The following SIPA1L3 variants were observed in gnomAD, a reference collection of about 807,000 sequenced individuals.
SIPA1L3 encodes signal induced proliferation associated 1 like 3.
A neutral mutation model predicts 150.1 loss-of-function variants in SIPA1L3; 59 were observed. The ratio of observed to expected loss-of-function variants is 0.39; its 90% CI spans 0.32 to 0.49. The LOEUF is 0.49. SIPA1L3 is among the 20% of genes least tolerant of loss of function. SIPA1L3 has a pLI of 0.86. For missense variants in SIPA1L3, 2,211 were observed against 2,489.5 expected (o/e 0.89, Z 2.38); for synonymous variants, 1,070 against 1,077.6 (o/e 0.99, Z 0.14).
chr19:38,074,284 A>G (rs1969789142), intron 2 of SIPA1L3, among the ~76,000 whole-genome samples: 1 of 152,254 alleles, frequency 6.6e-6, no homozygotes, highest in African/African-American at 2.4e-5. Flanking sequence ...GTGTGTGCAC[A>G]GAAGGGAGCA....
intron 2 of SIPA1L3, among the ~76,000 whole-genome samples, chr19:38,044,574 C>T (rs537847567): frequency 1.8e-4 from 28 of 152,246 alleles, no homozygotes; most frequent in Non-Finnish European, 3.5e-4. Flanking sequence ...TCAAGAGAGA[C>T]GGGGCTTTGT....
intron 6 of SIPA1L3, among the ~76,000 whole-genome samples, chr19:38,103,641 G>A (rs1210014288): frequency 7.5e-6 from 1 of 133,512 alleles, no homozygotes; most frequent in Non-Finnish European, 1.7e-5. Flanking sequence ...AAAAAAAAAA[G>A]GGGCCGGGCG....
Position 38,082,413 on chromosome 19 carries a change from C to A in SIPA1L3, c.848C>A (p.Ala283Asp), listed in dbSNP as rs141958728. The change falls in exon 3 of 22, where the codon GCC (alanine) becomes GAC (aspartate). Residue 283 changes from alanine to aspartate, a missense_variant. Ala to Asp is a moderately radical substitution (Grantham distance 126). This residue lies in a region of SIPA1L3 where 587 missense variants were observed against 534.5 expected (regional missense o/e 1.10). Coordinates refer to ENST00000222345, the MANE Select transcript of SIPA1L3 (RefSeq NM_015073.3). ...CAGCCCACGAAGGAGAAGGAGAAGG[C>A]CCGGAAGAAACCTGCGCGGGGCCTC... Reference protein sequence around the residue: ...PLQPTKEKEKARKKPARGLGG... With the variant: ...PLQPTKEKEKDRKKPARGLGG... 1.9e-6 allele frequency: 3 copies of A among 1,596,980 alleles called. No homozygotes were observed. Among genetic ancestry groups the A allele is most frequent in the Non-Finnish European group, 2.6e-6 (3 of 1,175,898 alleles).
chr19:37,957,944 G>A (rs1425592462), intron 1 of SIPA1L3, among the ~76,000 whole-genome samples: 1 of 151,852 alleles, frequency 6.6e-6, no homozygotes, highest in African/African-American at 2.4e-5. Context: ...GAACTCCCAG[G>A]CCCAAACAGT....
intron 1 of SIPA1L3, among the ~76,000 whole-genome samples, chr19:37,924,534 T>C (rs1159005810): frequency 6.6e-6 from 1 of 151,526 alleles, no homozygotes; most frequent in African/African-American, 2.4e-5. Context: ...AAAAGTTAGC[T>C]GGGCATAGTG....
chr19:37,952,911 G>A (rs1479815669), intron 1 of SIPA1L3, among the ~76,000 whole-genome samples: 1 of 152,090 alleles, frequency 6.6e-6, no homozygotes, highest in Non-Finnish European at 1.5e-5. Context: ...CTGGGTGATT[G>A]CATACACTTC....
rs780501745 is a variant in SIPA1L3, at chr19:38,198,451, G to T, written c.4903G>T (p.Asp1635Tyr). 27 of 1,604,606 alleles carry T rather than the reference G, an allele frequency of 1.7e-5. No homozygotes were observed. The highest frequency in any genetic ancestry group is 2.0e-5 in the Non-Finnish European group (24 of 1,176,414). ...DGRDRPLRRL[D>Y]PGLMPLPDTA... is the part of the protein sequence containing the mutation. Reference sequence around the variant, plus strand: ...GCGGGACCGCCCCCTGCGGCGCCTGGACCCTGGGCTGATGCCCCTGCCTGA... The same window carrying T: ...GCGGGACCGCCCCCTGCGGCGCCTGTACCCTGGGCTGATGCCCCTGCCTGA... The change falls in exon 19 of 22, where the codon GAC becomes TAC. Residue 1635 changes from aspartate to tyrosine, a missense_variant. By Grantham distance (160) the Asp-to-Tyr change is radical. Transcript: ENST00000222345.
Position 38,082,070 on chromosome 19 carries a change from C to T in SIPA1L3, c.505C>T (p.Arg169Cys), listed in dbSNP as rs1969999051. 1.9e-6 allele frequency: 3 copies of T among 1,612,788 alleles called. No individual in the cohort carries two copies. The highest frequency in any genetic ancestry group is 2.5e-6 in the Non-Finnish European group (3 of 1,179,932). ...CAGGGCCTTCCTCCCCCTTCGGCAC[C>T]GCAGCAGCAGCGAGATCACCCTCAG... The part of the protein sequence containing the change: ...PGRAFLPLRH[R>C]SSSEITLSEC... The change falls in exon 3 of 22, where the codon CGC (arginine) becomes TGC (cysteine). Residue 169 changes from arginine to cysteine, a missense_variant. Physicochemically the swap from Arg to Cys is radical, Grantham distance 180. Coordinates refer to ENST00000222345, the MANE Select transcript of SIPA1L3 (RefSeq NM_015073.3).
intron 8 of SIPA1L3, among the ~76,000 whole-genome samples, chr19:38,112,117 G>A (rs1257546486): frequency 6.7e-6 from 1 of 148,170 alleles, no homozygotes; most frequent in Non-Finnish European, 1.5e-5. Context: ...ACACATACAT[G>A]CACACACATA....
chr19:38,010,228 C>CT (rs538592173), intron 1 of SIPA1L3, among the ~76,000 whole-genome samples: 196 of 152,134 alleles, frequency 1.3e-3, no homozygotes, highest in African/African-American at 4.0e-3. Context: ...TAAGGAGACT[C>CT]TGTCTCTACT....
rs1226489917 is a variant in SIPA1L3, at chr19:38,102,740, G to T, written c.2029+1514G>T. Among the ~76,000 whole-genome samples the T allele has an allele frequency of 2.0e-5, 3 of 151,152 alleles. No homozygotes were observed. The South Asian group carries it at 6.3e-4, about 32-fold the overall frequency. ...CCAGCACTTTGGGAGGCTGAGGCGG[G>T]TGGATTGCTTGAGCCTGGGAGTTTG... is the stretch of plus-strand genomic sequence containing the variant. On this transcript the variant is annotated intron_variant, in intron 6 of 21. Transcript: ENST00000222345.
chr19:38,170,233 C>A (rs921927139), intron 15 of SIPA1L3, among the ~76,000 whole-genome samples: 12 of 152,166 alleles, frequency 7.9e-5, no homozygotes, highest in Admixed American at 2.0e-4. Flanking sequence ...CCATCTCACC[C>A]CACCTCACTC....
chr19:38,111,934 T>TGCACATGCACACAC (rs1267938768), intron 8 of SIPA1L3, among the ~76,000 whole-genome samples: 1 of 149,766 alleles, frequency 6.7e-6, no homozygotes, highest in African/African-American at 2.5e-5. Context: ...CGTGCACACA[T>TGCACATGCACACAC]GCACATGCAC....
At chr19:38,053,752 G>A (rs1057353343) in intron 2 of SIPA1L3, among the ~76,000 whole-genome samples, 1 of 151,720 alleles carries the variant, frequency 6.6e-6, no homozygotes, top group African/African-American at 2.4e-5. Context: ...TTTTGGTAGA[G>A]ACAGGGTCTC....
intron 2 of SIPA1L3, among the ~76,000 whole-genome samples, chr19:38,059,231 C>T (rs1208667502): frequency 6.6e-6 from 1 of 150,832 alleles, no homozygotes; most frequent in African/African-American, 2.4e-5. Flanking sequence ...AACTCCTGGG[C>T]TCAAGCTATG....
intron 1 of SIPA1L3, among the ~76,000 whole-genome samples, chr19:37,967,168 C>T (rs930522875): frequency 6.6e-6 from 1 of 151,934 alleles, no homozygotes; most frequent in East Asian, 1.9e-4. Context: ...TTTGGCATTC[C>T]GTGGCCTCTG....
At chr19:38,067,780 A>AAAG (rs769842717) in intron 2 of SIPA1L3, among the ~76,000 whole-genome samples, 2,584 of 151,268 alleles carry the variant, frequency 0.017, 29 homozygotes, top group Middle Eastern at 0.045. Flanking sequence ...AAAAAGAAAG[A>AAAG]AAGAAACACT....
intron 1 of SIPA1L3, among the ~76,000 whole-genome samples, chr19:38,006,283 CA>C (rs1568498499): frequency 6.6e-6 from 1 of 152,054 alleles, no homozygotes; most frequent in African/African-American, 2.4e-5. Flanking sequence ...AACCTAGAAG[CA>C]GCATGAGTGA....
chr19:38,017,349 C>T (rs931150331), intron 1 of SIPA1L3, among the ~76,000 whole-genome samples: 2 of 152,058 alleles, frequency 1.3e-5, no homozygotes, highest in East Asian at 1.9e-4. Flanking sequence ...TTGGAAAAAC[C>T]GATGAGACCC....
Sources: allele counts gnomAD v4.1 joint callset (sites outside exome capture counted in the v4.1 genomes callset), GRCh38; gene constraint gnomAD v4.1.1; regional missense constraint gnomAD v4.1.1; transcripts MANE v1.5; gene names NCBI Gene and HGNC (gene_info 2026-07-23, HGNC 2026-07-21).